The following ATXN10 variants were observed in gnomAD, a reference collection of about 807,000 sequenced individuals.
ATXN10 encodes the protein ataxin-10.
Under a neutral mutation model 52.9 loss-of-function variants are expected in ATXN10, and 28 were observed. The observed-to-expected ratio is 0.53, with a 90% CI of 0.39 to 0.73. The LOEUF is 0.73. ATXN10 is among the 30% of genes least tolerant of loss of function. The pLI, the probability that ATXN10 is intolerant of heterozygous loss-of-function variation, is 0.00. For missense variants in ATXN10, 565 were observed against 577.0 expected, an observed-to-expected ratio of 0.98 and a Z score of 0.21; for synonymous variants, 226 against 221.5, an observed-to-expected ratio of 1.02 and a Z score of -0.18.
rs1001170562 is a variant in ATXN10 at position 45,706,989 on chromosome 22, C to T, written c.647+4142C>T. On this transcript the variant is annotated intron_variant, in intron 5 of 11. Coordinates refer to ENST00000252934, the MANE Select transcript of ATXN10 (RefSeq NM_013236.4). ...GTGAATTATTGTGCATTTTTTCCTT[C>T]AGTTCTGTCAGTTTTTGCTTCCCTT... Among the ~76,000 whole-genome samples, 11 of 152,148 alleles carry T rather than the reference C, an allele frequency of 7.2e-5. No homozygotes were observed. The South Asian group carries it at 1.2e-3, about 17-fold the overall frequency.
At position 45,766,697 on chromosome 22, in the gene ATXN10, G is replaced by A. The variant is rs1244234572; in HGVS notation, c.1173+26159G>A. 6.6e-6 allele frequency among the ~76,000 whole-genome samples: 1 copy of A among 150,592 alleles called. No homozygotes were observed. Among genetic ancestry groups the A allele is most frequent in the Non-Finnish European group, 1.5e-5 (1 of 68,014 alleles). On this transcript the variant is annotated intron_variant, in intron 9 of 11. Coordinates refer to ENST00000252934, the MANE Select transcript of ATXN10 (RefSeq NM_013236.4). The surrounding 1 kb of genome is among the most constrained non-coding windows in gnomAD (Gnocchi z 4.6). ...ATTTAAGTACATTTTTAAAAAGTTGGATGACAAGAAGCAAATAAGCACATA... is the reference window on the plus strand; with the variant it reads ...ATTTAAGTACATTTTTAAAAAGTTGAATGACAAGAAGCAAATAAGCACATA...
In ATXN10 at chr22:45,783,529, T is replaced by C. The variant is rs1927221684; in HGVS notation, c.1174-23430T>C. Among the ~76,000 whole-genome samples, 1 of 152,232 alleles carries C rather than the reference T, an allele frequency of 6.6e-6. No individual in the cohort carries two copies. Among genetic ancestry groups the C allele is most frequent in the South Asian group, 2.1e-4 (1 of 4,832 alleles). The stretch of plus-strand genomic sequence containing the variant: ...AGGGCTGCCCCTGATTGGACCTGCC[T>C]GGCCGGCTCAGGTGTCCTCTTCTGT... On this transcript the variant is annotated intron_variant, in intron 9 of 11. Transcript: ENST00000252934. The surrounding 1 kb of genome is among the most constrained non-coding windows in gnomAD (Gnocchi z 5.0).
In ATXN10 at chr22:45,718,961, C is replaced by G. The variant is rs1171685287; in HGVS notation, c.728+468C>G. ...GTTACTGTAGTAGGAAAAACAGTGA[C>G]CTAGGAGTTCTAAGACACTGGCCCT... On this transcript the variant is annotated intron_variant, in intron 6 of 11. Coordinates refer to ENST00000252934, the MANE Select transcript of ATXN10 (RefSeq NM_013236.4). This position sits in a 1 kb window ranked among gnomAD's most constrained non-coding sequence, Gnocchi z 4.4. Among the ~76,000 whole-genome samples, 2 of 151,946 alleles carry G rather than the reference C, an allele frequency of 1.3e-5. No homozygotes were observed. The highest frequency in any genetic ancestry group is 4.8e-5 in the African/African-American group (2 of 41,364).
rs183856163 is a variant in ATXN10, at chr22:45,805,315, A to C, written c.1174-1644A>C. Among the ~76,000 whole-genome samples, 1 of 152,360 alleles carries C rather than the reference A, an allele frequency of 6.6e-6. No homozygotes were observed. Among genetic ancestry groups the C allele is most frequent in the East Asian group, 1.9e-4 (1 of 5,186 alleles). Reference sequence around the variant, plus strand: ...CAGTCTGGCTGTTCCTCAAATGTTTATAACTCATATGATCTAGCAGTTTGA... The same window carrying C: ...CAGTCTGGCTGTTCCTCAAATGTTTCTAACTCATATGATCTAGCAGTTTGA... On this transcript the variant is annotated intron_variant, in intron 9 of 11. Transcript: ENST00000252934. This position sits in a 1 kb window ranked among gnomAD's most constrained non-coding sequence, Gnocchi z 4.4.
intron 7 of ATXN10, among the ~76,000 whole-genome samples, chr22:45,736,672 A>G (rs966289097): frequency 6.6e-6 from 1 of 152,258 alleles, no homozygotes. Context: ...CACTTAACAT[A>G]TTCTTCTTTA....
At chr22:45,778,439 T>C (rs895682005) in intron 9 of ATXN10, among the ~76,000 whole-genome samples, 21 of 152,202 alleles carry the variant, frequency 1.4e-4, no homozygotes, top group African/African-American at 3.9e-4. Context: ...TGAATTAATA[T>C]ATGATACCTG....
chr22:45,829,998 G>T (rs1205313008), intron 10 of ATXN10, among the ~76,000 whole-genome samples: 1 of 152,182 alleles, frequency 6.6e-6, no homozygotes, highest in Non-Finnish European at 1.5e-5. Context: ...TCAAAACAAT[G>T]TGGTACTGAC....
In ATXN10 at chr22:45,772,219, G is replaced by A. The variant is rs1051894436; in HGVS notation, c.1173+31681G>A. Among the ~76,000 whole-genome samples the A allele has an allele frequency of 6.6e-6, 1 of 152,098 alleles. No homozygotes were observed. Among genetic ancestry groups the A allele is most frequent in the East Asian group, 1.9e-4 (1 of 5,198 alleles). On this transcript the variant is annotated intron_variant, in intron 9 of 11. Transcript: ENST00000252934. This position sits in a 1 kb window ranked among gnomAD's most constrained non-coding sequence, Gnocchi z 4.1. ...TTTGTAGTTTTATGTTTTGTGTTTA[G>A]ATCTAGGATCCATTTGAGTTAGTCT...
chr22:45,757,915 C>G lies in ATXN10; in HGVS notation c.1173+17377C>G, dbSNP rs967531472. Among the ~76,000 whole-genome samples the G allele has an allele frequency of 2.0e-5, 3 of 152,208 alleles. No individual in the cohort carries two copies. Among genetic ancestry groups the G allele is most frequent in the African/African-American group, 7.2e-5 (3 of 41,454 alleles). The stretch of plus-strand genomic sequence containing the variant: ...TATAAAATTGGCATTTATTGGACCT[C>G]TGCTGTGGATACTATTTACTTCTTT... On this transcript the variant is annotated intron_variant, in intron 9 of 11. Transcript: ENST00000252934. This position sits in a 1 kb window ranked among gnomAD's most constrained non-coding sequence, Gnocchi z 4.6.
intron 4 of ATXN10, 39 bp downstream of exon 4, chr22:45,700,417 G>T (rs377395510): frequency 6.7e-7 from 1 of 1,488,140 alleles, no homozygotes; most frequent in Non-Finnish European, 9.4e-7. Context: ...CTTGTGAGAA[G>T]ATTGTGGCTA....
rs1187412988 is a variant in ATXN10 at position 45,840,623 on chromosome 22, G to A, written c.1238-2368G>A. 4.6e-5 allele frequency among the ~76,000 whole-genome samples: 7 copies of A among 152,188 alleles called. No homozygotes were observed. The highest frequency in any genetic ancestry group is 7.2e-5 in the African/African-American group (3 of 41,432). ...TAGGGGCCGTCTGGCAGGGTCTCAC[G>A]TGCCCTGGAGTGGAGCAGTTTGATA... On this transcript the variant is annotated intron_variant, in intron 10 of 11. Transcript: ENST00000252934. The surrounding 1 kb of genome is among the most constrained non-coding windows in gnomAD (Gnocchi z 5.8).
intron 10 of ATXN10, among the ~76,000 whole-genome samples, chr22:45,808,224 AG>A (rs1240936990): frequency 6.6e-6 from 1 of 152,198 alleles, no homozygotes; most frequent in Non-Finnish European, 1.5e-5. Flanking sequence ...CAAAAAGGAA[AG>A]AAAAAAGAAG....
intron 3 of ATXN10, among the ~76,000 whole-genome samples, chr22:45,694,858 T>C (rs890926748): frequency 1.4e-5 from 2 of 145,606 alleles, no homozygotes; most frequent in African/African-American, 5.2e-5. Context: ...GGAAGATTGC[T>C]TGAGCCTGGG....
At position 45,843,682 on chromosome 22, in the gene ATXN10, T is replaced by G. The variant is rs952841331; in HGVS notation, c.*11T>G. On this transcript the variant is annotated 3_prime_UTR_variant, in exon 12 of 12. Coordinates refer to ENST00000252934, the MANE Select transcript of ATXN10 (RefSeq NM_013236.4). The surrounding 1 kb of genome is among the most constrained non-coding windows in gnomAD (Gnocchi z 4.5). ...CTTCTTCTTTAGTGAATGAACTACATCCAAATACCTGAATTTTTGGAATCT... is the reference window on the plus strand; with the variant it reads ...CTTCTTCTTTAGTGAATGAACTACAGCCAAATACCTGAATTTTTGGAATCT... The G allele has an allele frequency of 1.3e-5, 21 of 1,611,214 alleles. No homozygotes were observed. The highest frequency in any genetic ancestry group is 5.0e-5 in the Admixed American group (3 of 59,934).
intron 10 of ATXN10, among the ~76,000 whole-genome samples, chr22:45,834,184 A>T (rs1329599681): frequency 6.6e-6 from 1 of 152,200 alleles, no homozygotes; most frequent in Admixed American, 6.5e-5. Context: ...TGTGAGAGAC[A>T]CTTAATTGTA....
rs1922751753 is a variant in ATXN10, at chr22:45,677,580, G to A, written c.116+5401G>A. 6.8e-6 allele frequency: 1 copy of A among 147,276 alleles called. No homozygotes were observed. Among genetic ancestry groups the A allele is most frequent in the Admixed American group, 6.8e-5 (1 of 14,790 alleles). 9.1% of individuals were successfully genotyped at this position (147,276 alleles called of 1,614,324 possible). Reference sequence around the variant, plus strand: ...AAGTATTTAAAATATATATGATAAAGAAGTTGTTTCAGAATATATGAAGTA... The same window carrying A: ...AAGTATTTAAAATATATATGATAAAAAAGTTGTTTCAGAATATATGAAGTA... On this transcript the variant is annotated intron_variant, in intron 1 of 11. Coordinates refer to ENST00000252934, the MANE Select transcript of ATXN10 (RefSeq NM_013236.4). The surrounding 1 kb of genome is among the most constrained non-coding windows in gnomAD (Gnocchi z 4.1).
chr22:45,822,809 A>G (rs968896727), intron 10 of ATXN10, among the ~76,000 whole-genome samples: 1 of 152,172 alleles, frequency 6.6e-6, no homozygotes, highest in African/African-American at 2.4e-5. Context: ...GATGTGAGCC[A>G]CGGTGCCCAG....
At position 45,818,871 on chromosome 22, in the gene ATXN10, C is replaced by T. The variant is rs1047047776; in HGVS notation, c.1237+11849C>T. Among the ~76,000 whole-genome samples, 1 of 152,200 alleles carries T rather than the reference C, an allele frequency of 6.6e-6. No homozygotes were observed. Among genetic ancestry groups the T allele is most frequent in the Non-Finnish European group, 1.5e-5 (1 of 68,038 alleles). On this transcript the variant is annotated intron_variant, in intron 10 of 11. Transcript: ENST00000252934. The surrounding 1 kb of genome is among the most constrained non-coding windows in gnomAD (Gnocchi z 4.6). ...GTTCCTAAGGACCTGCTCCTTAGAG[C>T]CAAGCCCCGTGACTGATGCAGGCTG...
chr22:45,749,750 A>G (rs957589117), intron 9 of ATXN10, among the ~76,000 whole-genome samples: 4 of 152,114 alleles, frequency 2.6e-5, no homozygotes, highest in African/African-American at 9.6e-5. Context: ...TTTTGGTAGA[A>G]AAACAGGGTC....
Sources: allele counts gnomAD v4.1 joint callset (sites outside exome capture counted in the v4.1 genomes callset), GRCh38; gene constraint gnomAD v4.1.1; non-coding constraint Gnocchi (gnomAD v3.1); transcripts MANE v1.5; gene names NCBI Gene and HGNC (gene_info 2026-07-23, HGNC 2026-07-21).